The following DNER variants were observed in gnomAD, a reference collection of about 807,000 sequenced individuals.
The protein encoded by DNER is delta/notch like EGF repeat containing.
In DNER, 33 loss-of-function variants were observed where a neutral mutation model predicts 78.2. The ratio of observed to expected loss-of-function variants is 0.42; its 90% CI spans 0.32 to 0.56. The LOEUF (loss-of-function observed/expected upper bound fraction) is 0.56, where lower values mean the gene tolerates loss of function less well. Among genes scored for constraint, DNER ranks in the 20% least tolerant of loss-of-function variants. DNER has a pLI of 0.11. For missense variants in DNER, 918 were observed against 975.3 expected, an observed-to-expected ratio of 0.94 and a Z score of 0.78; for synonymous variants, 417 against 384.8, an observed-to-expected ratio of 1.08 and a Z score of -0.98.
chr2:229,496,258 T>G (rs1695499630), intron 6 of DNER, among the ~76,000 whole-genome samples: 1 of 152,240 alleles, frequency 6.6e-6, no homozygotes, highest in Admixed American at 6.5e-5. Flanking sequence ...TTACACTTCA[T>G]TAAAATTTTC....
intron 1 of DNER, among the ~76,000 whole-genome samples, chr2:229,617,992 C>G (rs1364139503): frequency 6.6e-6 from 1 of 152,066 alleles, no homozygotes; most frequent in Non-Finnish European, 1.5e-5. Context: ...AAATGTAGTC[C>G]CCTGATCTTT....
chr2:229,657,627 T>G (rs1171048259), intron 1 of DNER, among the ~76,000 whole-genome samples: 1 of 152,252 alleles, frequency 6.6e-6, no homozygotes, highest in East Asian at 1.9e-4. Flanking sequence ...ATTCAAATGT[T>G]TGCTTAGTGC....
At chr2:229,623,355 A>G in intron 1 of DNER, among the ~76,000 whole-genome samples, 1 of 151,938 alleles carries the variant, frequency 6.6e-6, no homozygotes, top group East Asian at 1.9e-4. Flanking sequence ...AGCTTCCGCC[A>G]TGCTGCCTGG....
intron 5 of DNER, among the ~76,000 whole-genome samples, chr2:229,528,542 C>T (rs1696246773): frequency 6.6e-6 from 1 of 152,174 alleles, no homozygotes; most frequent in Non-Finnish European, 1.5e-5. Flanking sequence ...AGGGCAATTT[C>T]AGTAAATGCT....
chr2:229,635,473 G>C (rs1447629625), intron 1 of DNER, among the ~76,000 whole-genome samples: 1 of 151,668 alleles, frequency 6.6e-6, no homozygotes, highest in African/African-American at 2.4e-5. Flanking sequence ...TTAGATGTCT[G>C]CAGCATTTAG....
intron 7 of DNER, among the ~76,000 whole-genome samples, chr2:229,453,651 G>C (rs948867480): frequency 9.9e-5 from 15 of 152,152 alleles, no homozygotes; most frequent in South Asian, 4.1e-4. Flanking sequence ...CTCTTGTTCT[G>C]CAGCTCTCTG....
intron 1 of DNER, among the ~76,000 whole-genome samples, chr2:229,611,115 C>G (rs1398967986): frequency 2.0e-5 from 3 of 152,230 alleles, no homozygotes; most frequent in African/African-American, 7.2e-5. Context: ...AGGTGATCAA[C>G]TGAGCAGCTG....
chr2:229,680,095 C>T (rs1699361410), intron 1 of DNER, among the ~76,000 whole-genome samples: 1 of 152,098 alleles, frequency 6.6e-6, no homozygotes, highest in Non-Finnish European at 1.5e-5. Flanking sequence ...TTTACCAAAT[C>T]CTAAAATACT....
chr2:229,407,234 G>A lies in DNER; in HGVS notation c.1721C>T (p.Thr574Ile), dbSNP rs765810340. Reference protein sequence around the residue: ...NGTCICAPGFTGEECDIDINE... With the variant: ...NGTCICAPGFIGEECDIDINE... ...ACTCAGTCCCTGGAATCACTTGCCT[G>A]TAAACCCGGGTGCACAGATGCACGT... Residue 574 changes from threonine (T) to isoleucine (I), a missense_variant and splice_region_variant, in exon 10 of 13, where the codon ACA (threonine) becomes ATA (isoleucine). By Grantham distance (89) the Thr-to-Ile change is moderately conservative. Coordinates refer to ENST00000341772, the MANE Select transcript of DNER (RefSeq NM_139072.4). The A allele has an allele frequency of 1.2e-6, 2 of 1,606,114 alleles. No homozygotes were observed. The highest frequency in any genetic ancestry group is 2.2e-5 in the East Asian group (1 of 44,618).
intron 3 of DNER, among the ~76,000 whole-genome samples, chr2:229,586,508 TAAAAAAAAAAA>T (rs555047737): frequency 0.014 from 183 of 13,488 alleles, 10 homozygotes; most frequent in African/African-American, 0.036. Context: ...TCATTTTTGG[TAAAAAAAAAAA>T]AAAAAAAAAA....
intron 4 of DNER, among the ~76,000 whole-genome samples, chr2:229,567,704 C>T (rs186307184): frequency 1.3e-5 from 2 of 152,252 alleles, no homozygotes; most frequent in East Asian, 1.9e-4. Flanking sequence ...ACAATGCCAC[C>T]GATCCTGCTT....
intron 4 of DNER, among the ~76,000 whole-genome samples, chr2:229,569,525 A>C (rs1697177604): frequency 6.6e-6 from 1 of 152,138 alleles, no homozygotes; most frequent in South Asian, 2.1e-4. Context: ...CCATCTCAAA[A>C]AAATTAAAAA....
intron 6 of DNER, among the ~76,000 whole-genome samples, chr2:229,511,633 C>G (rs1339394908): frequency 6.6e-6 from 1 of 152,162 alleles, no homozygotes; most frequent in Non-Finnish European, 1.5e-5. Flanking sequence ...TTAATATAAA[C>G]AAGAAGATTA....
intron 7 of DNER, among the ~76,000 whole-genome samples, chr2:229,471,745 G>A (rs1409475807): frequency 6.6e-6 from 1 of 152,078 alleles, no homozygotes; most frequent in South Asian, 2.1e-4. Flanking sequence ...CAGTGCTAAG[G>A]GCTTTCTCCA....
intron 4 of DNER, among the ~76,000 whole-genome samples, chr2:229,570,835 C>A (rs1023640242): frequency 6.6e-6 from 1 of 151,930 alleles, no homozygotes; most frequent in African/African-American, 2.4e-5. Flanking sequence ...AGCCAAGGCA[C>A]AGGGATGCCT....
At chr2:229,651,070 G>A (rs1024585217) in intron 1 of DNER, among the ~76,000 whole-genome samples, 16 of 152,252 alleles carry the variant, frequency 1.1e-4, no homozygotes, top group African/African-American at 1.7e-4. Context: ...ATTCAGCCTC[G>A]CTCTAATTCG....
intron 8 of DNER, among the ~76,000 whole-genome samples, chr2:229,434,458 T>A (rs1302567799): frequency 1.3e-5 from 2 of 152,182 alleles, no homozygotes; most frequent in Admixed American, 6.5e-5. Flanking sequence ...CATGGGGAAA[T>A]TCAGCCTTGA....
chr2:229,421,359 G>T (rs1156639461), intron 8 of DNER, among the ~76,000 whole-genome samples: 2 of 151,908 alleles, frequency 1.3e-5, no homozygotes, highest in South Asian at 4.2e-4. Flanking sequence ...AAAACAGTGT[G>T]TGTATGGTAA....
intron 1 of DNER, among the ~76,000 whole-genome samples, chr2:229,690,748 T>C (rs1213800984): frequency 1.3e-5 from 2 of 152,076 alleles, no homozygotes; most frequent in South Asian, 2.1e-4. Context: ...ATGGACCCAA[T>C]GAAAAAGTAA....
Sources: allele counts gnomAD v4.1 joint callset (sites outside exome capture counted in the v4.1 genomes callset), GRCh38; gene constraint gnomAD v4.1.1; transcripts MANE v1.5; gene names NCBI Gene and HGNC (gene_info 2026-07-23, HGNC 2026-07-21).